BBOX1: variants seen among roughly 807,000 people sequenced by gnomAD.
The protein encoded by BBOX1 is gamma-butyrobetaine hydroxylase 1, also known as gamma-butyrobetaine dioxygenase.
A neutral mutation model predicts 41.6 loss-of-function variants in BBOX1; 35 were observed. The ratio of observed to expected loss-of-function variants is 0.84; its 90% CI spans 0.64 to 1.11. The LOEUF is 1.11. Among genes scored for constraint, BBOX1 ranks in the 50% most tolerant of loss-of-function variants. The pLI, the probability that BBOX1 is intolerant of heterozygous loss-of-function variation, is 0.00. For missense variants in BBOX1, 458 were observed against 460.6 expected, an observed-to-expected ratio of 0.99 and a Z score of 0.05; for synonymous variants, 163 against 154.7, an observed-to-expected ratio of 1.05 and a Z score of -0.40.
At chr11:27,124,095 C>T (rs1426913902) in intron 7 of BBOX1, among the ~76,000 whole-genome samples, 1 of 152,178 alleles carries the variant, frequency 6.6e-6, no homozygotes. Context: ...TTGTACTTCA[C>T]TGTCAATGGC....
intron 4 of BBOX1, among the ~76,000 whole-genome samples, chr11:27,083,291 G>T (rs2134020132): frequency 6.6e-6 from 1 of 152,174 alleles, no homozygotes; most frequent in East Asian, 1.9e-4. Context: ...AGGAAGGAAA[G>T]GAGCAATATT....
At chr11:27,059,233 C>T (rs1857070120) in intron 4 of BBOX1, among the ~76,000 whole-genome samples, 1 of 152,230 alleles carries the variant, frequency 6.6e-6, no homozygotes. Flanking sequence ...GCATAAGCTA[C>T]TGTAAGACTT....
In BBOX1 at chr11:27,127,582, A is replaced by C; in HGVS notation, c.*129A>C. On this transcript the variant is annotated 3_prime_UTR_variant, in exon 9 of 9. Coordinates refer to ENST00000263182, the MANE Select transcript of BBOX1 (RefSeq NM_003986.3). ...TAACAATGAACATGTAACTTCTCTC[A>C]CAAGAGTACTCTTTACTTTGTAATC... The C allele has an allele frequency of 9.2e-5, 96 of 1,049,138 alleles. No individual in the cohort carries two copies. The highest frequency in any genetic ancestry group is 1.2e-4 in the Non-Finnish European group (92 of 740,356). 65.0% of individuals were successfully genotyped at this position (1,049,138 alleles called of 1,614,324 possible).
chr11:27,103,861 T>C (rs1000473022), intron 5 of BBOX1, among the ~76,000 whole-genome samples: 2 of 152,140 alleles, frequency 1.3e-5, no homozygotes, highest in African/African-American at 4.8e-5. Context: ...TTGTTGTTGT[T>C]GTTTTTGTTG....
chr11:27,059,401 G>A (rs1405489051), intron 4 of BBOX1, among the ~76,000 whole-genome samples: 2 of 152,220 alleles, frequency 1.3e-5, no homozygotes, highest in Admixed American at 1.3e-4. Context: ...AGAAAGCCTG[G>A]GTGCCCAAGC....
Position 27,125,784 on chromosome 11 carries a change from A to G in BBOX1, c.967A>G (p.Ser323Gly). 2 of 1,612,526 alleles carry G rather than the reference A, an allele frequency of 1.2e-6. No homozygotes were observed. Among genetic ancestry groups the G allele is most frequent in the African/African-American group, 1.3e-5 (1 of 75,006 alleles). Residue 323 changes from serine to glycine, a missense_variant, in exon 8 of 9, where the codon AGC becomes GGC. Ser to Gly is a moderately conservative substitution (Grantham distance 56, BLOSUM62 0). Coordinates refer to ENST00000263182, the MANE Select transcript of BBOX1 (RefSeq NM_003986.3). ...GAAGGAGTTTGTTGACCTCATGAAC[A>G]GCAAAGAATCCAAGTTTACCTTCAA... ...ALKEFVDLMN[S>G]KESKFTFKMN...
At chr11:27,100,952 T>C (rs1216402117) in intron 5 of BBOX1, among the ~76,000 whole-genome samples, 1 of 152,066 alleles carries the variant, frequency 6.6e-6, no homozygotes, top group Non-Finnish European at 1.5e-5. Flanking sequence ...AATTTTTTAT[T>C]AAGCCCCTTT....
chr11:27,048,634 T>C (rs1834497737), intron 2 of BBOX1, among the ~76,000 whole-genome samples: 3 of 152,076 alleles, frequency 2.0e-5, no homozygotes, highest in Non-Finnish European at 2.9e-5. Context: ...GATTCCATGT[T>C]TGGGCTGTTC....
chr11:27,048,466 GGT>G (rs61210047), intron 2 of BBOX1, among the ~76,000 whole-genome samples: 29,766 of 149,342 alleles, frequency 0.2, 3,032 homozygotes, highest in Middle Eastern at 0.25. Context: ...ATAATATTGA[GGT>G]GTGTGTGTGT....
chr11:27,051,864 T>C (rs2133953420), intron 2 of BBOX1, among the ~76,000 whole-genome samples: 1 of 152,162 alleles, frequency 6.6e-6, no homozygotes, highest in South Asian at 2.1e-4. Context: ...TCTAGTTCCT[T>C]GAAGTGTAAA....
chr11:27,070,289 T>C (rs1442680591), intron 4 of BBOX1, among the ~76,000 whole-genome samples: 1 of 152,134 alleles, frequency 6.6e-6, no homozygotes, highest in African/African-American at 2.4e-5. Flanking sequence ...TTACAGAGTG[T>C]AGTTTAAGTC....
intron 5 of BBOX1, among the ~76,000 whole-genome samples, chr11:27,100,542 A>C (rs1858610604): frequency 6.6e-6 from 1 of 152,060 alleles, no homozygotes; most frequent in Admixed American, 6.6e-5. Context: ...GGGACAAAAA[A>C]ACTCTTTAAA....
At chr11:27,067,089 G>A (rs927345836) in intron 4 of BBOX1, among the ~76,000 whole-genome samples, 11 of 152,122 alleles carry the variant, frequency 7.2e-5, no homozygotes, top group African/African-American at 2.4e-4. Context: ...GCAATGTTGG[G>A]TGAAGGGTAG....
intron 4 of BBOX1, among the ~76,000 whole-genome samples, chr11:27,084,948 T>A (rs1475035542): frequency 6.6e-6 from 1 of 152,170 alleles, no homozygotes; most frequent in Non-Finnish European, 1.5e-5. Context: ...TCTTAAATAT[T>A]CCATCATTTT....
At chr11:27,089,920 C>T (rs768128149) in intron 4 of BBOX1, among the ~76,000 whole-genome samples, 42 of 151,970 alleles carry the variant, frequency 2.8e-4, no homozygotes, top group Non-Finnish European at 5.6e-4. Context: ...TCATCCTCTT[C>T]CTGCCAACCT....
At chr11:27,121,206 T>C (rs1039336149) in intron 7 of BBOX1, among the ~76,000 whole-genome samples, 1 of 152,012 alleles carries the variant, frequency 6.6e-6, no homozygotes, top group Non-Finnish European at 1.5e-5. Flanking sequence ...AAAAGGGTCC[T>C]AAGGACATGT....
intron 4 of BBOX1, among the ~76,000 whole-genome samples, chr11:27,080,889 T>G (rs1857812617): frequency 6.6e-6 from 1 of 152,146 alleles, no homozygotes; most frequent in Non-Finnish European, 1.5e-5. Context: ...CTGCTTTGGT[T>G]CAAGTGAAGA....
At chr11:27,120,640 T>C (rs1016291125) in intron 7 of BBOX1, among the ~76,000 whole-genome samples, 14 of 152,134 alleles carry the variant, frequency 9.2e-5, no homozygotes, top group Admixed American at 7.2e-4. Flanking sequence ...GGCCACAAAT[T>C]CATCTTTTTA....
At chr11:27,080,197 T>C (rs974296019) in intron 4 of BBOX1, among the ~76,000 whole-genome samples, 2 of 152,080 alleles carry the variant, frequency 1.3e-5, no homozygotes, top group Non-Finnish European at 2.9e-5. Context: ...AATAACTAGT[T>C]TGTAATCAAA....
Sources: allele counts gnomAD v4.1 joint callset (sites outside exome capture counted in the v4.1 genomes callset), GRCh38; gene constraint gnomAD v4.1.1; transcripts MANE v1.5; gene names NCBI Gene and HGNC (gene_info 2026-07-23, HGNC 2026-07-21).